The following ADAMTSL1 variants were observed in gnomAD, a reference collection of about 807,000 sequenced individuals.
ADAMTSL1 encodes ADAMTS like 1.
A neutral mutation model predicts 201.8 loss-of-function variants in ADAMTSL1; 126 were observed. That is an observed-to-expected ratio of 0.62 (90% confidence interval 0.54 to 0.72). The LOEUF (loss-of-function observed/expected upper bound fraction) is 0.72, where lower values mean the gene tolerates loss of function less well. Ranked by LOEUF, ADAMTSL1 falls within the 30% of genes least tolerant of loss-of-function variation. The pLI is 0.00. For synonymous variants in ADAMTSL1, 1,121 were observed against 903.4 expected (o/e 1.24, Z -4.32); for missense variants, 2,679 against 2,277.8 (o/e 1.18, Z -3.59).
At chr9:18,546,406 G>GGAT (rs1820469587) in intron 3 of ADAMTSL1, among the ~76,000 whole-genome samples, 1 of 152,020 alleles carries the variant, frequency 6.6e-6, no homozygotes, top group Non-Finnish European at 1.5e-5. Context: ...CAAACTCCTG[G>GGAT]ACTCAAGTGA....
Position 18,633,951 on chromosome 9 carries a change from G to A in ADAMTSL1, c.602-1992G>A, listed in dbSNP as rs143305195. Among the ~76,000 whole-genome samples the A allele has an allele frequency of 6.7e-3, 1,014 of 152,166 alleles. 17 individuals are homozygous for A. The highest frequency in any genetic ancestry group is 0.023 in the African/African-American group (955 of 41,524). The stretch of plus-strand genomic sequence containing the variant: ...CAATCCCTGTCCTTTAAGAGATTTG[G>A]GGTAGAGAGAGGAAAATAATGTTTA... On this transcript the variant is annotated intron_variant, in intron 5 of 28. Transcript: ENST00000380548.
At position 18,149,604 on chromosome 9, in the gene ADAMTSL1, A is replaced by G. The variant is rs538253649; in HGVS notation, c.88-14258A>G. ...CCTCCTGAGTGAGAACTGATAATAT[A>G]ATGAGATTCCCCATTGACATATGTA... is the stretch of plus-strand genomic sequence containing the variant. On this transcript the variant is annotated intron_variant, in intron 1 of 29. Transcript: ENST00000680146. Among the ~76,000 whole-genome samples, 8 of 152,164 alleles carry G rather than the reference A, an allele frequency of 5.3e-5. No individual in the cohort carries two copies. In the South Asian group the frequency reaches 1.5e-3, roughly 28 times the overall value.
intron 2 of ADAMTSL1, among the ~76,000 whole-genome samples, chr9:18,311,648 G>C (rs890073391): frequency 6.6e-6 from 1 of 152,162 alleles, no homozygotes; most frequent in African/African-American, 2.4e-5. Flanking sequence ...AATGGGATTC[G>C]ATGCTGGAAT....
chr9:18,276,389 C>G (rs1193666963), intron 2 of ADAMTSL1, among the ~76,000 whole-genome samples: 1 of 152,032 alleles, frequency 6.6e-6, no homozygotes, highest in East Asian at 1.9e-4. Flanking sequence ...GGTTTATTTA[C>G]TATGTGTCCT....
At chr9:18,738,708 C>G (rs533414692) in intron 15 of ADAMTSL1, among the ~76,000 whole-genome samples, 60 of 152,236 alleles carry the variant, frequency 3.9e-4, no homozygotes, top group African/African-American at 1.4e-3. Flanking sequence ...GAATGTGAGG[C>G]TGCATGAAGC....
chr9:18,669,182 C>T (rs1829655487), intron 9 of ADAMTSL1, among the ~76,000 whole-genome samples: 1 of 152,208 alleles, frequency 6.6e-6, no homozygotes, highest in African/African-American at 2.4e-5. Context: ...TGACCACATA[C>T]CCAGGTTAGG....
At chr9:18,612,322 G>C (rs1054291675) in intron 4 of ADAMTSL1, among the ~76,000 whole-genome samples, 1 of 152,162 alleles carries the variant, frequency 6.6e-6, no homozygotes, top group Non-Finnish European at 1.5e-5. Context: ...CAGTGGCAGA[G>C]AGTTTAAATG....
chr9:18,354,727 G>A (rs1836131661), intron 2 of ADAMTSL1, among the ~76,000 whole-genome samples: 1 of 152,170 alleles, frequency 6.6e-6, no homozygotes, highest in Admixed American at 6.5e-5. Context: ...CAGCACTTTG[G>A]AAGGCTGAAG....
At position 17,968,492 on chromosome 9, in the gene ADAMTSL1, C is replaced by T. The variant is rs113441122; in HGVS notation, c.87+61570C>T. On this transcript the variant is annotated intron_variant, in intron 1 of 29. Transcript: ENST00000680146. The stretch of plus-strand genomic sequence containing the variant: ...AGGTGAGGCAGATGAAATTATAACC[C>T]CACTATTCCTTCAGATTGATGAGTG... 3.8e-3 allele frequency among the ~76,000 whole-genome samples: 577 copies of T among 152,166 alleles called. 4 individuals are homozygous for T. The highest frequency in any genetic ancestry group is 0.013 in the African/African-American group (532 of 41,528).
At position 18,484,979 on chromosome 9, in the gene ADAMTSL1, A is replaced by G. The variant is rs569122897; in HGVS notation, c.63+10684A>G. ...AATAAATTTCTCTCACCATAGTTTC[A>G]TCAATGAAATAACATTAGTTAATAC... On this transcript the variant is annotated intron_variant, in intron 1 of 28. Transcript: ENST00000380548. Among the ~76,000 whole-genome samples the G allele has an allele frequency of 2.6e-5, 4 of 152,350 alleles. No homozygotes were observed. In the South Asian group the frequency reaches 8.3e-4, roughly 32 times the overall value.
chr9:18,765,258 A>G (rs1355427575), intron 16 of ADAMTSL1, among the ~76,000 whole-genome samples: 2 of 152,220 alleles, frequency 1.3e-5, no homozygotes, highest in African/African-American at 2.4e-5. Context: ...CAAATTCAGC[A>G]TCACTAGTGA....
chr9:18,055,286 A>G (rs1822129402), intron 1 of ADAMTSL1, among the ~76,000 whole-genome samples: 1 of 152,192 alleles, frequency 6.6e-6, no homozygotes, highest in African/African-American at 2.4e-5. Flanking sequence ...TGGGCCTCAC[A>G]AACAGACTGG....
chr9:18,577,989 T>C (rs1035028274), intron 4 of ADAMTSL1, among the ~76,000 whole-genome samples: 129 of 148,828 alleles, frequency 8.7e-4, no homozygotes, highest in African/African-American at 2.6e-3. Context: ...CTTTTCTCTT[T>C]TTTTTTTTTT....
chr9:17,975,814 C>T (rs1453152337), intron 1 of ADAMTSL1, among the ~76,000 whole-genome samples: 1 of 152,010 alleles, frequency 6.6e-6, no homozygotes. Context: ...TGTCATAAAG[C>T]TTTTCACCTA....
chr9:17,996,611 C>T (rs1819392354), intron 1 of ADAMTSL1, among the ~76,000 whole-genome samples: 1 of 151,952 alleles, frequency 6.6e-6, no homozygotes. Flanking sequence ...GGTATTGTTT[C>T]CCATATTGAA....
intron 1 of ADAMTSL1, among the ~76,000 whole-genome samples, chr9:17,918,769 G>C (rs549479602): frequency 6.6e-6 from 1 of 151,806 alleles, no homozygotes; most frequent in African/African-American, 2.4e-5. Flanking sequence ...ATTGAGAAAG[G>C]GATATTGACA....
chr9:18,850,680 G>C (rs1237760989), intron 23 of ADAMTSL1, among the ~76,000 whole-genome samples: 3 of 152,186 alleles, frequency 2.0e-5, no homozygotes, highest in Non-Finnish European at 4.4e-5. Context: ...GGTAAGTTAA[G>C]ATTTCCCTTA....
chr9:17,918,359 ACTTT>A (rs1826183513), intron 1 of ADAMTSL1, among the ~76,000 whole-genome samples: 1 of 150,700 alleles, frequency 6.6e-6, no homozygotes, highest in East Asian at 2.0e-4. Context: ...AGTTCATAGT[ACTTT>A]CTTATAACCT....
At chr9:18,641,189 A>G (rs971843937) in intron 7 of ADAMTSL1, among the ~76,000 whole-genome samples, 2 of 151,560 alleles carry the variant, frequency 1.3e-5, no homozygotes, top group Admixed American at 6.6e-5. Context: ...TCTCTTCACT[A>G]CCTCTTATTT....
Sources: allele counts gnomAD v4.1 joint callset (sites outside exome capture counted in the v4.1 genomes callset), GRCh38; gene constraint gnomAD v4.1.1; transcripts MANE v1.5; gene names NCBI Gene and HGNC (gene_info 2026-07-23, HGNC 2026-07-21).